Variants in UBR3 observed in about 807,000 individuals in gnomAD.
The protein encoded by UBR3 is E3 ubiquitin-protein ligase UBR3.
In UBR3, 85 loss-of-function variants were observed where a neutral mutation model predicts 243.2. That is an observed-to-expected ratio of 0.35 (90% CI 0.29 to 0.42). The LOEUF is 0.42. Among genes scored for constraint, UBR3 ranks in the 10% least tolerant of loss-of-function variants. The probability of loss-of-function intolerance (pLI) is 1.00; values close to 1 mark genes in which losing one functional copy is unlikely to be tolerated. For missense variants in UBR3, 1,686 were observed against 2,300.8 expected (o/e 0.73, Z 5.47); for synonymous variants, 748 against 799.8 (o/e 0.94, Z 1.09).
intron 1 of UBR3, among the ~76,000 whole-genome samples, chr2:169,850,153 T>TGA (rs1207590911): frequency 2.2e-5 from 3 of 138,598 alleles, no homozygotes; most frequent in Non-Finnish European, 4.6e-5. Context: ...TCCTGGTGGG[T>TGA]GAGAGTTTGT....
intron 32 of UBR3, among the ~76,000 whole-genome samples, chr2:170,049,968 A>G (rs2091178951): frequency 6.6e-6 from 1 of 152,194 alleles, no homozygotes; most frequent in African/African-American, 2.4e-5. Context: ...TTTCATTTGA[A>G]TCTTTAACAC....
intron 29 of UBR3, among the ~76,000 whole-genome samples, chr2:170,009,317 A>G (rs574233055): frequency 6.6e-6 from 1 of 152,320 alleles, no homozygotes; most frequent in East Asian, 1.9e-4. Context: ...AAATAAGAAC[A>G]GTAAGAAATA....
At chr2:170,052,812 A>G (rs1416320503) in intron 32 of UBR3, among the ~76,000 whole-genome samples, 2 of 152,218 alleles carry the variant, frequency 1.3e-5, no homozygotes, top group Non-Finnish European at 2.9e-5. Context: ...CTTAAAATGC[A>G]CTAAGCAAAG....
intron 24 of UBR3, among the ~76,000 whole-genome samples, chr2:169,983,851 G>T (rs2088874512): frequency 6.6e-6 from 1 of 151,946 alleles, no homozygotes. Context: ...TATCAATTAT[G>T]GTAATTTAAG....
rs764365990 is a variant in UBR3 at position 170,029,391 on chromosome 2, T to A, written c.4499T>A (p.Ile1500Asn). The change falls in exon 31 of 39, where the codon ATT becomes AAT. Residue 1500 changes from isoleucine (I) to asparagine (N), a missense_variant. This residue lies in a region of UBR3 where 371 missense variants were observed against 422.5 expected (regional missense o/e 0.88). Coordinates refer to ENST00000272793, the MANE Select transcript of UBR3 (RefSeq NM_172070.4). ...VLALHMRLYS[I>N]DSEYNPWRKL... Reference sequence around the variant, plus strand: ...GCCTTGCACATGCGGCTTTATAGCATTGACTCTGAGTATAATCCCTGGAGA... The same window carrying A: ...GCCTTGCACATGCGGCTTTATAGCAATGACTCTGAGTATAATCCCTGGAGA... 3.1e-6 allele frequency: 5 copies of A among 1,611,810 alleles called. No individual in the cohort carries two copies. The Admixed American group carries it at 5.0e-5, about 16-fold the overall frequency.
At chr2:169,933,056 A>G (rs1017543172) in intron 19 of UBR3, 48 bp downstream of exon 19, 1 of 1,380,434 alleles carries the variant, frequency 7.2e-7, no homozygotes. Flanking sequence ...TTATATTTAT[A>G]TGGAAAAATT....
At chr2:170,045,945 C>G (rs1326325883) in intron 32 of UBR3, among the ~76,000 whole-genome samples, 1 of 150,040 alleles carries the variant, frequency 6.7e-6, no homozygotes, top group African/African-American at 2.5e-5. Flanking sequence ...TGTTCAAATT[C>G]CATAGTTGCT....
At chr2:169,910,344 G>C (rs2085203979) in intron 10 of UBR3, among the ~76,000 whole-genome samples, 1 of 152,098 alleles carries the variant, frequency 6.6e-6, no homozygotes, top group Non-Finnish European at 1.5e-5. Context: ...GGAAGACCGA[G>C]CCTCAGTAAA....
chr2:170,065,184 C>A lies in UBR3; in HGVS notation c.5019+3741C>A, dbSNP rs77056317. On this transcript the variant is annotated intron_variant, in intron 35 of 38. Coordinates refer to ENST00000272793, the MANE Select transcript of UBR3 (RefSeq NM_172070.4). Reference sequence around the variant, plus strand: ...ATACATTTTTTAATCTGTCAAGTTACTTCCCAAATCCTACAAGATTTTGGT... The same window carrying A: ...ATACATTTTTTAATCTGTCAAGTTAATTCCCAAATCCTACAAGATTTTGGT... Among the ~76,000 whole-genome samples the A allele has an allele frequency of 4.9e-3, 743 of 152,284 alleles. 3 individuals are homozygous for A. Among genetic ancestry groups the A allele is most frequent in the African/African-American group, 0.017 (708 of 41,560 alleles).
rs138413266 is a variant in UBR3 at position 170,067,174 on chromosome 2, TC to T, written c.5019+5733del. ...AACATCTGGACCCAGGCTATGCTGTTCCTTGCCACACAAAACATTTTTTGAG... is the reference window on the plus strand; with the variant it reads ...AACATCTGGACCCAGGCTATGCTGTTCTTGCCACACAAAACATTTTTTGAG... On this transcript the variant is annotated intron_variant, in intron 35 of 38. Transcript: ENST00000272793. Among the ~76,000 whole-genome samples the T allele has an allele frequency of 2.0e-3, 297 of 152,194 alleles. 3 individuals are homozygous for T. The highest frequency in any genetic ancestry group is 6.8e-3 in the African/African-American group (283 of 41,546).
At chr2:169,881,841 G>A (rs1337286786) in intron 5 of UBR3, among the ~76,000 whole-genome samples, 5 of 131,900 alleles carry the variant, frequency 3.8e-5, no homozygotes, top group African/African-American at 1.4e-4. Flanking sequence ...ATGTATACAT[G>A]TATACATATA....
intron 30 of UBR3, among the ~76,000 whole-genome samples, chr2:170,020,967 A>G (rs748630126): frequency 1.3e-5 from 2 of 152,070 alleles, no homozygotes; most frequent in Admixed American, 6.6e-5. Context: ...TACTATTCCA[A>G]TCGTTTGCAC....
intron 30 of UBR3, among the ~76,000 whole-genome samples, chr2:170,021,571 T>TG (rs962640147): frequency 3.9e-5 from 6 of 152,184 alleles, no homozygotes; most frequent in African/African-American, 1.4e-4. Flanking sequence ...ATACTAACCT[T>TG]GGGGTTAGGA....
At position 169,949,869 on chromosome 2, in the gene UBR3, A is replaced by G; in HGVS notation, c.3349A>G (p.Ile1117Val). 1 of 1,600,158 alleles carries G rather than the reference A, an allele frequency of 6.2e-7. No homozygotes were observed. Among genetic ancestry groups the G allele is most frequent in the South Asian group, 1.1e-5 (1 of 89,532 alleles). ...YYPPWLDDIE[I>V]LIQPEIPKYS... ...TCCTCCTTGGCTTGATGACATAGAA[A>G]TTTTAATCCAACCAGAAATTCCTAA... The change falls in exon 23 of 39, where the codon ATT (isoleucine) becomes GTT (valine). Residue 1117 changes from isoleucine (I) to valine (V), a missense_variant. Around this residue, in one of 8 missense-constraint regions of UBR3, gnomAD observed 300 missense variants for 314.4 expected, o/e 0.95. Coordinates refer to ENST00000272793, the MANE Select transcript of UBR3 (RefSeq NM_172070.4).
intron 27 of UBR3, among the ~76,000 whole-genome samples, chr2:170,005,350 G>T: frequency 6.6e-6 from 1 of 152,204 alleles, no homozygotes; most frequent in Middle Eastern, 3.2e-3. Flanking sequence ...ACAGTTTGTA[G>T]CAAGAAGGCA....
chr2:170,009,230 A>G (rs2090013326), intron 29 of UBR3, among the ~76,000 whole-genome samples: 1 of 152,138 alleles, frequency 6.6e-6, no homozygotes, highest in Non-Finnish European at 1.5e-5. Flanking sequence ...TGTGAGTATT[A>G]TCTATGAGAC....
At chr2:169,972,523 C>T (rs977810658) in intron 24 of UBR3, among the ~76,000 whole-genome samples, 5 of 152,112 alleles carry the variant, frequency 3.3e-5, no homozygotes, top group Non-Finnish European at 5.9e-5. Context: ...CAATAAAATA[C>T]TGGCAAAACG....
At chr2:169,857,205 C>G (rs1490772126) in intron 1 of UBR3, among the ~76,000 whole-genome samples, 1 of 149,646 alleles carries the variant, frequency 6.7e-6, no homozygotes, top group African/African-American at 2.5e-5. Flanking sequence ...TCCCGAGTAG[C>G]TGGGACTTAC....
At chr2:169,930,914 A>G (rs570426303) in intron 18 of UBR3, among the ~76,000 whole-genome samples, 13 of 152,134 alleles carry the variant, frequency 8.5e-5, no homozygotes, top group Non-Finnish European at 1.8e-4. Context: ...CCTGTTATAC[A>G]TCTGTGGTAA....
Sources: allele counts gnomAD v4.1 joint callset (sites outside exome capture counted in the v4.1 genomes callset), GRCh38; gene constraint gnomAD v4.1.1; regional missense constraint gnomAD v4.1.1; transcripts MANE v1.5; gene names NCBI Gene and HGNC (gene_info 2026-07-23, HGNC 2026-07-21).